Variants in ALS2 observed in about 807,000 individuals in gnomAD.
The protein encoded by ALS2 is alsin.
In ALS2, 117 loss-of-function variants were observed where a neutral mutation model predicts 203.4. The ratio of observed to expected loss-of-function variants is 0.58; its 90% CI spans 0.50 to 0.67. The LOEUF is 0.67. Ranked by LOEUF, ALS2 falls within the 30% of genes least tolerant of loss-of-function variation. The pLI is 0.00. For synonymous variants in ALS2, 718 were observed against 725.9 expected (o/e 0.99, Z 0.17); for missense variants, 1,715 against 1,989.4 (o/e 0.86, Z 2.62).
chr2:201,759,704 G>A (rs1275992920), intron 4 of ALS2: 7 of 984,022 alleles, frequency 7.1e-6, no homozygotes, highest in Non-Finnish European at 8.4e-6. Context: ...AATAGATTGT[G>A]AAATAAAGAC....
In ALS2 at chr2:201,727,587, C is replaced by T. The variant is rs1691265650; in HGVS notation, c.2912+118G>A. 1.2e-5 allele frequency: 11 copies of T among 895,322 alleles called. No homozygotes were observed. The Admixed American group carries it at 1.9e-4, about 15-fold the overall frequency. 55.5% of individuals were successfully genotyped at this position (895,322 alleles called of 1,614,324 possible). A position where few individuals can be genotyped will look rare whatever the true frequency, so the allele number is the denominator to read the frequency against. ...GTCTAATGTGCTGAGAGGTGGGCCT[C>T]ATTATACAGAATGAGGAGACTGTCT... On this transcript the variant is annotated intron_variant, in intron 16 of 33. Transcript: ENST00000264276.
intron 12 of ALS2, among the ~76,000 whole-genome samples, chr2:201,733,822 A>G (rs1691720058): frequency 6.6e-6 from 1 of 152,230 alleles, no homozygotes; most frequent in African/African-American, 2.4e-5. Context: ...GCTGTGCTAA[A>G]TAGAAACACT....
At position 201,707,156 on chromosome 2, in the gene ALS2, G is replaced by A. The variant is rs1019419686; in HGVS notation, c.4404-134C>T. The A allele has an allele frequency of 5.1e-6, 4 of 777,022 alleles. No individual in the cohort carries two copies. In the African/African-American group the frequency reaches 6.9e-5, roughly 13 times the overall value. The allele number at this position is 777,022 out of a possible 1,614,324, so 48.1% of individuals were successfully genotyped here. A position where few individuals can be genotyped will look rare whatever the true frequency, so the allele number is the denominator to read the frequency against. The stretch of plus-strand genomic sequence containing the variant: ...TTTAAAGAAGTTATAATATTACTCT[G>A]CTCTTTACATATGGAGTTGATATGA... On this transcript the variant is annotated intron_variant, in intron 28 of 33. Transcript: ENST00000264276.
chr2:201,727,977 C>T (rs923600812), intron 15 of ALS2, among the ~76,000 whole-genome samples: 1 of 152,208 alleles, frequency 6.6e-6, no homozygotes, highest in African/African-American at 2.4e-5. Context: ...GCCTTGCCAT[C>T]TCTGCTGCAG....
intron 12 of ALS2, among the ~76,000 whole-genome samples, chr2:201,737,445 G>A (rs1484857589): frequency 6.6e-6 from 1 of 152,108 alleles, no homozygotes; most frequent in Non-Finnish European, 1.5e-5. Context: ...TGGAAACTCA[G>A]ATATTTAACA....
Position 201,728,518 on chromosome 2 carries a change from A to C in ALS2, c.2835T>G (p.His945Gln), listed in dbSNP as rs753959907. ...WFILFNDALV[H>Q]AQFSTHHVFP... ...GGTTAGGAATCCAGCCTACCTGGGC[A>C]TGGACCAGGGCATCATTAAAGAGAA... Residue 945 changes from histidine to glutamine, a missense_variant, in exon 15 of 34, where the codon CAT becomes CAG. His to Gln is a conservative substitution (Grantham distance 24). Transcript: ENST00000264276. 1 of 1,614,118 alleles carries C rather than the reference A, an allele frequency of 6.2e-7. No individual in the cohort carries two copies. Among genetic ancestry groups the C allele is most frequent in the Admixed American group, 1.7e-5 (1 of 60,022 alleles).
chr2:201,727,786 G>C lies in ALS2; in HGVS notation c.2842-11C>G. On this transcript the variant is annotated splice_polypyrimidine_tract_variant and intron_variant, in intron 15 of 33. Transcript: ENST00000264276. ...ATGGTGCGTGGAGAACTGAAACAGA[G>C]AACACGGAGGCACTTTTATGAAAGC... The C allele has an allele frequency of 6.4e-7, 1 of 1,551,488 alleles. No homozygotes were observed. The highest frequency in any genetic ancestry group is 8.7e-7 in the Non-Finnish European group (1 of 1,146,812).
chr2:201,728,598 T>C lies in ALS2; in HGVS notation c.2755A>G (p.Ser919Gly), dbSNP rs1691345617. The change falls in exon 15 of 34, where the codon AGT (serine) becomes GGT (glycine). Residue 919 changes from serine (S) to glycine (G), a missense_variant. Coordinates refer to ENST00000264276, the MANE Select transcript of ALS2 (RefSeq NM_020919.4). ...TGCTGCAGAGACAGGGCTCGGTTACTACTCTCACACAGCAGTCGACGCTCT... is the reference window on the plus strand; with the variant it reads ...TGCTGCAGAGACAGGGCTCGGTTACCACTCTCACACAGCAGTCGACGCTCT... ...KPERRLLCES[S>G]NRALSLQHAG... The C allele has an allele frequency of 6.2e-7, 1 of 1,614,002 alleles. No homozygotes were observed. The highest frequency in any genetic ancestry group is 2.2e-5 in the East Asian group (1 of 44,898).
In ALS2 at chr2:201,704,168, G is replaced by A; in HGVS notation, c.4889C>T (p.Pro1630Leu). The A allele has an allele frequency of 6.2e-7, 1 of 1,614,028 alleles. No individual in the cohort carries two copies. Among genetic ancestry groups the A allele is most frequent in the Non-Finnish European group, 8.5e-7 (1 of 1,179,980 alleles). Residue 1630 changes from proline to leucine, a missense_variant, in exon 33 of 34, where the codon CCC (proline) becomes CTC (leucine). Physicochemically the swap from Pro to Leu is moderately conservative, Grantham distance 98 (BLOSUM62 -3). This residue lies in a region of ALS2 where 1,227 missense variants were observed against 1,413.5 expected (regional missense o/e 0.87). Transcript: ENST00000264276. The stretch of plus-strand genomic sequence containing the variant: ...ACCCTGTTCCCCATGCTGAAGATAG[G>A]GGTCCATTAGATCCTCAATGAGGTG... ...EVHLIEDLMD[P>L]YLQHGEQGIM...
At chr2:201,735,788 A>C (rs1299188438) in intron 12 of ALS2, among the ~76,000 whole-genome samples, 1 of 152,218 alleles carries the variant, frequency 6.6e-6, no homozygotes, top group African/African-American at 2.4e-5. Flanking sequence ...CAGCAGAATA[A>C]GGAACCAGGG....
intron 23 of ALS2, among the ~76,000 whole-genome samples, chr2:201,720,738 AAC>A (rs1172327785): frequency 1.4e-5 from 2 of 142,008 alleles, no homozygotes; most frequent in South Asian, 2.4e-4. Flanking sequence ...CACACACACA[AAC>A]ACACACACAC....
intron 4 of ALS2, chr2:201,760,494 C>T (rs1286888099): frequency 2.0e-6 from 2 of 1,006,606 alleles, no homozygotes; most frequent in African/African-American, 3.5e-5. Context: ...CTTTTCTCTA[C>T]AGAATTCTGA....
intron 5 of ALS2, among the ~76,000 whole-genome samples, chr2:201,756,055 G>A (rs943235500): frequency 1.3e-5 from 2 of 152,142 alleles, no homozygotes; most frequent in Non-Finnish European, 2.9e-5. Flanking sequence ...AGGGGGAAAA[G>A]AGTACATGTA....
chr2:201,749,693 A>G lies in ALS2; in HGVS notation c.1815+19T>C. 6.2e-7 allele frequency: 1 copy of G among 1,601,304 alleles called. No homozygotes were observed. Among genetic ancestry groups the G allele is most frequent in the Non-Finnish European group, 8.6e-7 (1 of 1,168,364 alleles). On this transcript the variant is annotated intron_variant, in intron 8 of 33. Transcript: ENST00000264276. ...GCTAAGAATTGTGGAATAAGTTGCTATCAAGTTCACAAAAGTACCTTTGCA... is the reference window on the plus strand; with the variant it reads ...GCTAAGAATTGTGGAATAAGTTGCTGTCAAGTTCACAAAAGTACCTTTGCA...
rs1690912072 is a variant in ALS2 at position 201,723,067 on chromosome 2, T to C, written c.3678A>G (p.Ser1226=). The C allele has an allele frequency of 2.5e-6, 4 of 1,613,074 alleles. No individual in the cohort carries two copies. Among genetic ancestry groups the C allele is most frequent in the Non-Finnish European group, 2.5e-6 (3 of 1,179,398 alleles). Residue 1226 remains serine (S), a synonymous_variant, in exon 23 of 34, where the codon TCA becomes TCG. Coordinates refer to ENST00000264276, the MANE Select transcript of ALS2 (RefSeq NM_020919.4). ...CCTTTCCACTAAGAGTCCAGTCATC[T>C]GAAAATTCTCCTTCATAGATAGTAT... ...EDDTIYEGEF[S]DDWTLSGKGT... is the part of the protein sequence containing the mutation.
At chr2:201,717,470 C>T (rs1303811973) in intron 24 of ALS2, among the ~76,000 whole-genome samples, 2 of 148,556 alleles carry the variant, frequency 1.3e-5, no homozygotes, top group African/African-American at 5.0e-5. Flanking sequence ...CATCTCCCCT[C>T]CCACCTCCAA....
Position 201,754,610 on chromosome 2 carries a change from G to T in ALS2, c.1533C>A (p.Pro511=). The T allele has an allele frequency of 6.2e-7, 1 of 1,614,138 alleles. No homozygotes were observed. Among genetic ancestry groups the T allele is most frequent in the Non-Finnish European group, 8.5e-7 (1 of 1,180,018 alleles). ...GCGCATCTGCTTCTCCACTGTATGTGGGGGTCAGAACCACTGTCCTCGTTT... is the reference window on the plus strand; with the variant it reads ...GCGCATCTGCTTCTCCACTGTATGTTGGGGTCAGAACCACTGTCCTCGTTT... ...RVKTRTVVLT[P]TYSGEADALL... Residue 511 remains proline, a synonymous_variant, in exon 6 of 34, where the codon CCC becomes CCA. Transcript: ENST00000264276.
chr2:201,762,527 A>C (rs1461399547), intron 3 of ALS2, among the ~76,000 whole-genome samples: 1 of 152,180 alleles, frequency 6.6e-6, no homozygotes, highest in Non-Finnish European at 1.5e-5. Flanking sequence ...TTACTGACTG[A>C]GCATCCCAAA....
At chr2:201,707,588 C>T (rs1053773260) in intron 28 of ALS2, among the ~76,000 whole-genome samples, 5 of 151,994 alleles carry the variant, frequency 3.3e-5, no homozygotes, top group African/African-American at 9.7e-5. Context: ...TGCCACCATG[C>T]CCTGCTAATT....
Sources: gnomAD v4.1 joint callset for allele counts (sites outside exome capture counted in the v4.1 genomes callset) on GRCh38, gnomAD v4.1.1 for gene constraint, gnomAD v4.1.1 regional missense constraint, MANE v1.5 for transcripts, NCBI Gene and HGNC (gene_info 2026-07-23, HGNC 2026-07-21) for gene names.